Variants in SF3A2 observed in about 807,000 individuals in gnomAD.
SF3A2 encodes splicing factor 3a subunit 2.
Under a neutral mutation model 31.1 loss-of-function variants are expected in SF3A2, and 5 were observed. That is an observed-to-expected ratio of 0.16 (90% CI 0.08 to 0.34). The LOEUF (loss-of-function observed/expected upper bound fraction) is 0.34, where lower values mean the gene tolerates loss of function less well. SF3A2 is among the 10% of genes least tolerant of loss of function. The probability of loss-of-function intolerance (pLI) is 1.00; values close to 1 mark genes in which losing one functional copy is unlikely to be tolerated. For synonymous variants in SF3A2, 365 were observed against 263.7 expected (o/e 1.38, Z -3.72); for missense variants, 577 against 643.9 (o/e 0.90, Z 1.13).
At position 2,248,073 on chromosome 19, in the gene SF3A2, G is replaced by A. The variant is rs371422834; in HGVS notation, c.922G>A (p.Val308Ile). 9.3e-5 allele frequency: 86 copies of A among 922,612 alleles called. No individual in the cohort carries two copies. Among genetic ancestry groups the A allele is most frequent in the South Asian group, 1.7e-4 (12 of 70,284 alleles). 57.2% of individuals were successfully genotyped at this position (922,612 alleles called of 1,614,324 possible). ...ASGVHPPAPGVHPPAPGVHPP... is the reference protein window; with the variant it reads ...ASGVHPPAPGIHPPAPGVHPP... Reference sequence around the variant, plus strand: ...TGGGGTCCATCCCCCAGCTCCTGGCGTCCACCCCCCAGCTCCTGGCGTCCA... The same window carrying A: ...TGGGGTCCATCCCCCAGCTCCTGGCATCCACCCCCCAGCTCCTGGCGTCCA... The change falls in exon 9 of 9, where the codon GTC (valine) becomes ATC (isoleucine). Residue 308 changes from valine to isoleucine, a missense_variant. Coordinates refer to ENST00000221494, the MANE Select transcript of SF3A2 (RefSeq NM_007165.5).
chr19:2,244,861 C>A, intron 4 of SF3A2, 82 bp downstream of exon 4: 1 of 1,364,706 alleles, frequency 7.3e-7, no homozygotes, highest in Non-Finnish European at 1.0e-6. Flanking sequence ...GGCCACTGCT[C>A]CACAGCCGGG....
chr19:2,242,676 G>A (rs2024901566), intron 1 of SF3A2, among the ~76,000 whole-genome samples: 2 of 152,212 alleles, frequency 1.3e-5, no homozygotes, highest in South Asian at 4.1e-4. Flanking sequence ...CATTGAGCAG[G>A]CAAGGGAAAG....
In SF3A2 at chr19:2,244,650, C is replaced by T. The variant is rs199646287; in HGVS notation, c.198+35C>T. 9.9e-6 allele frequency: 16 copies of T among 1,611,010 alleles called. No homozygotes were observed. The South Asian group carries it at 1.2e-4, about 12-fold the overall frequency. ...CTGCCTGGCTCCGGGCGGCTCGCGG[C>T]GGGCTGAGTGGCTGACGTCAGGGGG... On this transcript the variant is annotated intron_variant, in intron 3 of 8. Coordinates refer to ENST00000221494, the MANE Select transcript of SF3A2 (RefSeq NM_007165.5).
rs527389374 is a variant in SF3A2 at position 2,246,124 on chromosome 19, G to T, written c.355+569G>T. On this transcript the variant is annotated intron_variant, in intron 5 of 8. Coordinates refer to ENST00000221494, the MANE Select transcript of SF3A2 (RefSeq NM_007165.5). This position sits in a 1 kb window ranked among gnomAD's most constrained non-coding sequence, Gnocchi z 5.5. ...CTGTGTGCCTGGCCTCCAGACAGAAGCCTGCAGGGCAGAGGTCCCGGGGCA... is the reference window on the plus strand; with the variant it reads ...CTGTGTGCCTGGCCTCCAGACAGAATCCTGCAGGGCAGAGGTCCCGGGGCA... Among the ~76,000 whole-genome samples, 1 of 152,356 alleles carries T rather than the reference G, an allele frequency of 6.6e-6. No individual in the cohort carries two copies. The highest frequency in any genetic ancestry group is 6.5e-5 in the Admixed American group (1 of 15,306).
chr19:2,246,832 G>T lies in SF3A2; in HGVS notation c.405+30G>T. The T allele has an allele frequency of 6.2e-7, 1 of 1,613,562 alleles. No individual in the cohort carries two copies. The highest frequency in any genetic ancestry group is 8.5e-7 in the Non-Finnish European group (1 of 1,179,882). On this transcript the variant is annotated intron_variant, in intron 6 of 8. Coordinates refer to ENST00000221494, the MANE Select transcript of SF3A2 (RefSeq NM_007165.5). This position sits in a 1 kb window ranked among gnomAD's most constrained non-coding sequence, Gnocchi z 5.5. ...GATCAGGGACTTGGGCGTGGGGGGCGGCCAAAGGCACCCAAGAGGCGGCTC... is the reference window on the plus strand; with the variant it reads ...GATCAGGGACTTGGGCGTGGGGGGCTGCCAAAGGCACCCAAGAGGCGGCTC...
intron 1 of SF3A2, among the ~76,000 whole-genome samples, chr19:2,238,690 CTGTT>C (rs2024862295): frequency 6.6e-6 from 1 of 152,178 alleles, no homozygotes; most frequent in Non-Finnish European, 1.5e-5. Context: ...CTTTTACCTG[CTGTT>C]TGTTTTTTCC....
In SF3A2 at chr19:2,248,082, C is replaced by G. The variant is rs1288071564; in HGVS notation, c.931C>G (p.Pro311Ala). ...VHPPAPGVHPPAPGVHPPAPG... is the reference protein window; with the variant it reads ...VHPPAPGVHPAAPGVHPPAPG... The stretch of plus-strand genomic sequence containing the variant: ...TCCCCCAGCTCCTGGCGTCCACCCC[C>G]CAGCTCCTGGCGTCCATCCCCCAGC... The change falls in exon 9 of 9, where the codon CCA becomes GCA. Residue 311 changes from proline to alanine, a missense_variant. Pro to Ala is a conservative substitution (Grantham distance 27). Around this residue, in one of 6 missense-constraint regions of SF3A2, gnomAD observed 462 missense variants for 339.1 expected, o/e 1.36. Coordinates refer to ENST00000221494, the MANE Select transcript of SF3A2 (RefSeq NM_007165.5). The G allele has an allele frequency of 1.0e-6, 1 of 964,750 alleles. No individual in the cohort carries two copies. 59.8% of individuals were successfully genotyped at this position (964,750 alleles called of 1,614,324 possible). A position where few individuals can be genotyped will look rare whatever the true frequency, so the allele number is the denominator to read the frequency against.
intron 1 of SF3A2, among the ~76,000 whole-genome samples, chr19:2,242,830 A>T (rs7249235): frequency 6.6e-6 from 1 of 151,976 alleles, no homozygotes; most frequent in East Asian, 1.9e-4. Flanking sequence ...CAGATGTGGC[A>T]GATCTCCCAG....
intron 2 of SF3A2, among the ~76,000 whole-genome samples, chr19:2,244,064 G>A (rs976164729): frequency 2.0e-5 from 3 of 152,210 alleles, no homozygotes; most frequent in African/African-American, 2.4e-5. Flanking sequence ...GAACTCCAGC[G>A]TCTGAGACGA....
In SF3A2 at chr19:2,245,580, G is replaced by A. The variant is rs377510974; in HGVS notation, c.355+25G>A. 1.4e-6 allele frequency: 2 copies of A among 1,475,768 alleles called. No homozygotes were observed. The highest frequency in any genetic ancestry group is 2.5e-5 in the East Asian group (1 of 40,598). The allele number at this position is 1,475,768 out of a possible 1,614,324, so 91.4% of individuals were successfully genotyped here. On this transcript the variant is annotated intron_variant, in intron 5 of 8. Transcript: ENST00000221494. This position sits in a 1 kb window ranked among gnomAD's most constrained non-coding sequence, Gnocchi z 4.2. The stretch of plus-strand genomic sequence containing the variant: ...GGTGAGTCTGCCCGCAGCGGGGCCG[G>A]CCACAGCCGCTGCCGTGACATAAGT...
At chr19:2,241,170 C>T (rs917141035) in intron 1 of SF3A2, among the ~76,000 whole-genome samples, 4 of 152,148 alleles carry the variant, frequency 2.6e-5, no homozygotes, top group Admixed American at 1.3e-4. Context: ...AGGAGCAGGT[C>T]GTCCTCCCGG....
intron 7 of SF3A2, 94 bp from the exon 8 acceptor site, chr19:2,247,500 C>A: frequency 1.5e-6 from 2 of 1,297,292 alleles, no homozygotes; most frequent in South Asian, 1.2e-5. Flanking sequence ...AGGGTAGAGT[C>A]CGGGCTGGGG....
chr19:2,238,440 C>T (rs894188357), intron 1 of SF3A2, among the ~76,000 whole-genome samples: 1 of 152,166 alleles, frequency 6.6e-6, no homozygotes, highest in African/African-American at 2.4e-5. Flanking sequence ...ACATCATCTG[C>T]TGATTTCTTG....
chr19:2,248,229 C>T lies in SF3A2; in HGVS notation c.1078C>T (p.Pro360Ser), dbSNP rs1396784188. The change falls in exon 9 of 9, where the codon CCA becomes TCA. Residue 360 changes from proline (P) to serine (S), a missense_variant. Physicochemically the swap from Pro to Ser is moderately conservative, Grantham distance 74. Transcript: ENST00000221494. ...CCCACCAGCCCCTGGGGTTCACCCA[C>T]CAGCCCCAGGGGTCCATCCTCCCCC... is the stretch of plus-strand genomic sequence containing the variant. ...VHPPAPGVHP[P>S]APGVHPPPSA... 5.5e-6 allele frequency: 8 copies of T among 1,456,760 alleles called. No homozygotes were observed. The highest frequency in any genetic ancestry group is 7.3e-6 in the Non-Finnish European group (8 of 1,098,288). 90.2% of individuals were successfully genotyped at this position (1,456,760 alleles called of 1,614,324 possible).
rs1481621583 is a variant in SF3A2, at chr19:2,239,322, G to A, written c.-38+2421G>A. On this transcript the variant is annotated intron_variant, in intron 1 of 8. Transcript: ENST00000221494. Reference sequence around the variant, plus strand: ...GGAGGTTGCAGTGAGCCAAGATCGAGCTACTGCCTGGGCGACAGAGCGAGA... The same window carrying A: ...GGAGGTTGCAGTGAGCCAAGATCGAACTACTGCCTGGGCGACAGAGCGAGA... 5.4e-4 allele frequency among the ~76,000 whole-genome samples: 77 copies of A among 142,214 alleles called. 2 individuals carry two copies. The highest frequency in any genetic ancestry group is 3.0e-5 in the Non-Finnish European group (2 of 66,876). 93.3% of individuals were successfully genotyped at this position (142,214 alleles called of 152,430 possible). A position where few individuals can be genotyped will look rare whatever the true frequency, so the allele number is the denominator to read the frequency against.
At chr19:2,244,454 C>G (rs2024915332) in intron 2 of SF3A2, 90 bp from the exon 3 acceptor site, 2 of 984,772 alleles carry the variant, frequency 2.0e-6, no homozygotes, top group South Asian at 2.8e-5. Context: ...TGCCTCCATG[C>G]CTCTACAGAA....
Position 2,245,357 on chromosome 19 carries a change from C to G in SF3A2, c.246-89C>G, listed in dbSNP as rs922319425. The G allele has an allele frequency of 9.3e-6, 9 of 971,992 alleles. No homozygotes were observed. In the African/African-American group the frequency reaches 1.1e-4, roughly 12 times the overall value. The allele number at this position is 971,992 out of a possible 1,614,324, so 60.2% of individuals were successfully genotyped here. On this transcript the variant is annotated intron_variant, in intron 4 of 8. Transcript: ENST00000221494. This position sits in a 1 kb window ranked among gnomAD's most constrained non-coding sequence, Gnocchi z 4.2. Reference sequence around the variant, plus strand: ...CTCATCTCTCAGCTTGTAGTGAGCTCCAAGGTCAGGGGGCTCCTGGCACCT... The same window carrying G: ...CTCATCTCTCAGCTTGTAGTGAGCTGCAAGGTCAGGGGGCTCCTGGCACCT...
rs746757514 is a variant in SF3A2, at chr19:2,248,148, GCTC to G, written c.1000_1002del (p.Pro334del). The G allele has an allele frequency of 7.0e-7, 1 of 1,430,174 alleles. No individual in the cohort carries two copies. The allele number at this position is 1,430,174 out of a possible 1,614,324, so 88.6% of individuals were successfully genotyped here. A position where few individuals can be genotyped will look rare whatever the true frequency, so the allele number is the denominator to read the frequency against. ...ACCAACCTCTGGGGTCCACCCCCCA[GCTC>G]CTGGAGTCCACCCTCCAGCCCCCGG... is the stretch of plus-strand genomic sequence containing the variant. On this transcript the variant is annotated inframe_deletion, in exon 9 of 9. Coordinates refer to ENST00000221494, the MANE Select transcript of SF3A2 (RefSeq NM_007165.5).
chr19:2,247,461 A>C, intron 7 of SF3A2, 133 bp from the exon 8 acceptor site: 2 of 827,070 alleles, frequency 2.4e-6, no homozygotes, highest in Non-Finnish European at 3.9e-6. Flanking sequence ...TGCCCCACGA[A>C]AGTCTTACCA....
Sources: allele counts gnomAD v4.1 joint callset (sites outside exome capture counted in the v4.1 genomes callset), GRCh38; gene constraint gnomAD v4.1.1; regional missense constraint gnomAD v4.1.1; non-coding constraint Gnocchi (gnomAD v3.1); transcripts MANE v1.5; gene names NCBI Gene and HGNC (gene_info 2026-07-23, HGNC 2026-07-21).